The following HIVEP1 variants were observed in gnomAD, a reference collection of about 807,000 sequenced individuals.
The protein encoded by HIVEP1 is HIVEP zinc finger 1.
A neutral mutation model predicts 180.0 loss-of-function variants in HIVEP1; 36 were observed. The ratio of observed to expected loss-of-function variants is 0.20; its 90% confidence interval spans 0.15 to 0.26. The LOEUF is 0.26. Among genes scored for constraint, HIVEP1 ranks in the 10% least tolerant of loss-of-function variants. The pLI is 1.00. For synonymous variants in HIVEP1, 1,239 were observed against 1,239.0 expected (o/e 1.00, Z 0.00); for missense variants, 3,143 against 3,268.7 (o/e 0.96, Z 0.94).
intron 7 of HIVEP1, among the ~76,000 whole-genome samples, chr6:12,158,812 G>A (rs190755483): frequency 7.5e-4 from 114 of 152,290 alleles, no homozygotes; most frequent in African/African-American, 2.7e-3. Flanking sequence ...TCACAGGATA[G>A]GTCTTTTGTT....
In HIVEP1 at chr6:12,063,412, C is replaced by G. The variant is rs533677903; in HGVS notation, c.41-25772C>G. 1.3e-4 allele frequency among the ~76,000 whole-genome samples: 20 copies of G among 152,220 alleles called. No individual in the cohort carries two copies. In the South Asian group the frequency reaches 4.2e-3, roughly 32 times the overall value. ...CTTTTGGGGGGCAAAATCACCCCAA[C>G]CTAAAAACCACTAGTGGAGTTATAT... On this transcript the variant is annotated intron_variant, in intron 2 of 8. Coordinates refer to ENST00000379388, the MANE Select transcript of HIVEP1 (RefSeq NM_002114.4). The surrounding 1 kb of genome is among the most constrained non-coding windows in gnomAD (Gnocchi z 4.2).
At chr6:12,118,188 A>G (rs951125705) in intron 3 of HIVEP1, among the ~76,000 whole-genome samples, 1 of 149,778 alleles carries the variant, frequency 6.7e-6, no homozygotes, top group African/African-American at 2.5e-5. Flanking sequence ...ATGGAATAGT[A>G]TGCATTTTTT....
At chr6:12,027,488 A>T (rs1398735190) in intron 2 of HIVEP1, among the ~76,000 whole-genome samples, 1 of 152,212 alleles carries the variant, frequency 6.6e-6, no homozygotes, top group Non-Finnish European at 1.5e-5. Context: ...ATTGTTAGGG[A>T]GCCACCTGTT....
At chr6:12,047,566 A>C (rs1288205598) in intron 2 of HIVEP1, among the ~76,000 whole-genome samples, 1 of 152,254 alleles carries the variant, frequency 6.6e-6, no homozygotes, top group Non-Finnish European at 1.5e-5. Flanking sequence ...TCTCACAGCC[A>C]CTGGAGCAGA....
intron 2 of HIVEP1, among the ~76,000 whole-genome samples, chr6:12,031,022 CGTTT>C (rs991761089): frequency 3.4e-5 from 5 of 148,928 alleles, no homozygotes; most frequent in Admixed American, 2.7e-4. Flanking sequence ...GGTTTGCTTT[CGTTT>C]GTTTGTTTTT....
In HIVEP1 at chr6:12,042,290, C is replaced by T. The variant is rs1205629034; in HGVS notation, c.40+26622C>T. On this transcript the variant is annotated intron_variant, in intron 2 of 8. Transcript: ENST00000379388. ...TAGAGACGGGGTTTCACCTTGTTAGCCAGGATGGTCTCCATCTCCTGACCT... is the reference window on the plus strand; with the variant it reads ...TAGAGACGGGGTTTCACCTTGTTAGTCAGGATGGTCTCCATCTCCTGACCT... 2.0e-5 allele frequency among the ~76,000 whole-genome samples: 3 copies of T among 149,716 alleles called. 1 individual carries two copies. Among genetic ancestry groups the T allele is most frequent in the African/African-American group, 5.0e-5 (2 of 40,330 alleles).
In HIVEP1 at chr6:12,125,709, G is replaced by T. The variant is rs537447626; in HGVS notation, c.5914G>T (p.Ala1972Ser). The T allele has an allele frequency of 6.2e-7, 1 of 1,614,038 alleles. No homozygotes were observed. Among genetic ancestry groups the T allele is most frequent in the African/African-American group, 1.3e-5 (1 of 74,890 alleles). Residue 1972 changes from alanine (A) to serine (S), a missense_variant, in exon 4 of 9, where the codon GCC becomes TCC. Around this residue, in one of 12 missense-constraint regions of HIVEP1, gnomAD observed 1,357 missense variants for 1,260.5 expected, o/e 1.08. Transcript: ENST00000379388. ...TSAYTDWTVSASNPNPLGLPT... is the reference protein window; with the variant it reads ...TSAYTDWTVSSSNPNPLGLPT... ...AGCCTATACTGATTGGACAGTAAGC[G>T]CCAGTAATCCAAATCCACTCGGTTT...
At chr6:12,162,246 T>A (rs1026933218) in intron 8 of HIVEP1, among the ~76,000 whole-genome samples, 3 of 148,956 alleles carry the variant, frequency 2.0e-5, no homozygotes, top group Non-Finnish European at 4.4e-5. Flanking sequence ...AACGTGACAG[T>A]GGCGAACACA....
rs1760420805 is a variant in HIVEP1 at position 12,161,791 on chromosome 6, T to C, written c.6840T>C (p.Arg2280=). The C allele has an allele frequency of 6.2e-7, 1 of 1,614,174 alleles. No individual in the cohort carries two copies. The highest frequency in any genetic ancestry group is 8.5e-7 in the Non-Finnish European group (1 of 1,180,022). The stretch of plus-strand genomic sequence containing the variant: ...TCTCTCCGGGGAAGGCCAGGCAGCG[T>C]GCTGCGAGAGATGAAAACGACACAA... ...KTLSPGKARQ[R]AARDENDTIP... Residue 2280 remains arginine (R), a synonymous_variant, in exon 8 of 9, where the codon CGT becomes CGC. Coordinates refer to ENST00000379388, the MANE Select transcript of HIVEP1 (RefSeq NM_002114.4).
upstream of HIVEP1, among the ~76,000 whole-genome samples, chr6:12,009,893 C>G (rs1349080493): frequency 6.6e-6 from 1 of 152,198 alleles, no homozygotes; most frequent in Non-Finnish European, 1.5e-5. Flanking sequence ...TTAGAAAGTT[C>G]GTAGTAATGC....
At position 12,085,156 on chromosome 6, in the gene HIVEP1, G is replaced by A. The variant is rs566733050; in HGVS notation, c.41-4028G>A. ...CCATCTAATTGCCATTATTACTAACGATTATGAGCTATGCAGCTCTAGAGA... is the reference window on the plus strand; with the variant it reads ...CCATCTAATTGCCATTATTACTAACAATTATGAGCTATGCAGCTCTAGAGA... On this transcript the variant is annotated intron_variant, in intron 2 of 8. Coordinates refer to ENST00000379388, the MANE Select transcript of HIVEP1 (RefSeq NM_002114.4). Among the ~76,000 whole-genome samples, 219 of 152,190 alleles carry A rather than the reference G, an allele frequency of 1.4e-3. 2 individuals are homozygous for A. Among genetic ancestry groups the A allele is most frequent in the African/African-American group, 4.8e-3 (200 of 41,548 alleles).
At chr6:12,156,102 T>C (rs184397298) in intron 7 of HIVEP1, among the ~76,000 whole-genome samples, 1 of 152,150 alleles carries the variant, frequency 6.6e-6, no homozygotes, top group East Asian at 1.9e-4. Flanking sequence ...CGGGTTACTT[T>C]TTTTCTTATA....
chr6:12,034,704 A>G (rs958960073), intron 2 of HIVEP1, among the ~76,000 whole-genome samples: 3 of 152,234 alleles, frequency 2.0e-5, no homozygotes, highest in Admixed American at 6.5e-5. Context: ...CTAATTCTCT[A>G]AGTCCCAGTT....
chr6:12,183,405 T>G, the HIVEP1 span, among the ~76,000 whole-genome samples: 4 of 152,242 alleles, frequency 2.6e-5, no homozygotes, highest in Non-Finnish European at 5.9e-5. Flanking sequence ...TTTAGCATCC[T>G]CTTCTGTTTA....
At chr6:12,076,072 A>AT (rs1772330435) in intron 2 of HIVEP1, among the ~76,000 whole-genome samples, 1 of 152,080 alleles carries the variant, frequency 6.6e-6, no homozygotes, top group Admixed American at 6.5e-5. Context: ...TTTGCAGGTT[A>AT]TTTTTGAAAG....
Position 12,048,414 on chromosome 6 carries a change from C to A in HIVEP1, c.40+32746C>A, listed in dbSNP as rs149909774. Among the ~76,000 whole-genome samples, 1,009 of 152,318 alleles carry A rather than the reference C, an allele frequency of 6.6e-3. 6 individuals carry two copies. Among genetic ancestry groups the A allele is most frequent in the Non-Finnish European group, 0.012 (804 of 68,026 alleles). ...ATAATTTAGAATTGAGAAGAGATGG[C>A]ATACATTTCCAATACTCTACCTCTC... On this transcript the variant is annotated intron_variant, in intron 2 of 8. Coordinates refer to ENST00000379388, the MANE Select transcript of HIVEP1 (RefSeq NM_002114.4).
Position 12,123,395 on chromosome 6 carries a change from C to G in HIVEP1, c.3600C>G (p.Asp1200Glu). Residue 1200 changes from aspartate to glutamate, a missense_variant, in exon 4 of 9, where the codon GAC becomes GAG. Coordinates refer to ENST00000379388, the MANE Select transcript of HIVEP1 (RefSeq NM_002114.4). ...GSHPHQLALS[D>E]ALRGELQESS... ...ATCCTCACCAGCTTGCACTATCAGA[C>G]GCTCTCAGAGGAGAACTTCAGGAAA... The G allele has an allele frequency of 6.2e-7, 1 of 1,614,182 alleles. No homozygotes were observed. Among genetic ancestry groups the G allele is most frequent in the Non-Finnish European group, 8.5e-7 (1 of 1,180,038 alleles).
intron 2 of HIVEP1, among the ~76,000 whole-genome samples, chr6:12,026,516 A>C (rs1314759611): frequency 7.2e-5 from 11 of 152,222 alleles, no homozygotes; most frequent in Non-Finnish European, 2.9e-5. Flanking sequence ...TTTCCCAGTG[A>C]ACTTGAAACT....
rs1380010035 is a variant in HIVEP1 at position 12,122,687 on chromosome 6, T to C, written c.2892T>C (p.Cys964=). 1.2e-5 allele frequency: 19 copies of C among 1,614,172 alleles called. No individual in the cohort carries two copies. The highest frequency in any genetic ancestry group is 1.5e-5 in the Non-Finnish European group (18 of 1,180,030). ...GGACAATGTTTGAGTGTGAAACTTG[T>C]AGAAACAGGTATAGGAAACTGGAAA... ...GRGTMFECET[C]RNRYRKLENF... The change falls in exon 4 of 9, where the codon TGT becomes TGC. Residue 964 remains cysteine (C), a synonymous_variant. Transcript: ENST00000379388.
Sources: allele counts gnomAD v4.1 joint callset (sites outside exome capture counted in the v4.1 genomes callset), GRCh38; gene constraint gnomAD v4.1.1; regional missense constraint gnomAD v4.1.1; non-coding constraint Gnocchi (gnomAD v3.1); transcripts MANE v1.5; gene names NCBI Gene and HGNC (gene_info 2026-07-23, HGNC 2026-07-21).